MMP24: variants seen among roughly 807,000 people sequenced by gnomAD.
MMP24 encodes matrix metallopeptidase 24.
A neutral mutation model predicts 62.8 loss-of-function variants in MMP24; 25 were observed. The observed-to-expected ratio is 0.40, with a 90% confidence interval of 0.29 to 0.56. The LOEUF is 0.56. Ranked by LOEUF, MMP24 falls within the 20% of genes least tolerant of loss-of-function variation. MMP24 has a pLI of 0.50. For missense variants in MMP24, 634 were observed against 853.6 expected, an observed-to-expected ratio of 0.74 and a Z score of 3.21; for synonymous variants, 319 against 350.5, an observed-to-expected ratio of 0.91 and a Z score of 1.00.
chr20:35,273,352 C>T lies in MMP24; in HGVS notation c.1601-920C>T, dbSNP rs141109642. ...TTGAGGCTGCAGTGAGTTACAACTG[C>T]ACCACTGTACTCCAGCCTAGGCAAT... On this transcript the variant is annotated intron_variant, in intron 8 of 8. Coordinates refer to ENST00000246186, the MANE Select transcript of MMP24 (RefSeq NM_006690.4). Among the ~76,000 whole-genome samples the T allele has an allele frequency of 5.8e-3, 871 of 151,108 alleles. 10 individuals are homozygous for T. The highest frequency in any genetic ancestry group is 0.019 in the African/African-American group (784 of 41,022).
chr20:35,228,543 A>T (rs2060424969), intron 1 of MMP24, among the ~76,000 whole-genome samples: 1 of 152,164 alleles, frequency 6.6e-6, no homozygotes, highest in South Asian at 2.1e-4. Context: ...CTCTGATCTG[A>T]CCTTGGCCCC....
intron 1 of MMP24, among the ~76,000 whole-genome samples, chr20:35,242,953 G>T (rs1374035519): frequency 6.6e-6 from 1 of 152,168 alleles, no homozygotes; most frequent in Non-Finnish European, 1.5e-5. Flanking sequence ...CAAGGCAGGT[G>T]TATCACTTGA....
chr20:35,276,512 T>G lies in MMP24; in HGVS notation c.*1903T>G. The G allele has an allele frequency of 2.6e-6, 1 of 388,790 alleles. No individual in the cohort carries two copies. The highest frequency in any genetic ancestry group is 4.5e-6 in the Non-Finnish European group (1 of 219,798). The allele number at this position is 388,790 out of a possible 1,614,324, so 24.1% of individuals were successfully genotyped here. A position where few individuals can be genotyped will look rare whatever the true frequency, so the allele number is the denominator to read the frequency against. ...CATCCAGTGGGCTGGCTGGGTCTTG[T>G]GTCCCCATCTGTGGACCCCTCTAGG... On this transcript the variant is annotated 3_prime_UTR_variant, in exon 9 of 9. Coordinates refer to ENST00000246186, the MANE Select transcript of MMP24 (RefSeq NM_006690.4).
rs764494386 is a variant in MMP24, at chr20:35,246,841, A to T, written c.248A>T (p.Asn83Ile). The change falls in exon 2 of 9, where the codon AAC becomes ATC. Residue 83 changes from asparagine (N) to isoleucine (I), a missense_variant and splice_region_variant. This residue lies in a region of MMP24 where 212 missense variants were observed against 259.6 expected (regional missense o/e 0.82). Transcript: ENST00000246186. ...CTTTTTCTTTCCCGTGTCTTTCAGA[A>T]CTGGTTAAAGTCCTATGGCTATCTG... is the stretch of plus-strand genomic sequence containing the variant. Reference protein sequence around the residue: ...DEAEAPFAGQNWLKSYGYLLP... With the variant: ...DEAEAPFAGQIWLKSYGYLLP... The T allele has an allele frequency of 6.2e-7, 1 of 1,613,922 alleles. No homozygotes were observed. The highest frequency in any genetic ancestry group is 1.1e-5 in the South Asian group (1 of 91,086).
At chr20:35,229,926 C>T (rs955745562) in intron 1 of MMP24, among the ~76,000 whole-genome samples, 1 of 152,112 alleles carries the variant, frequency 6.6e-6, no homozygotes, top group African/African-American at 2.4e-5. Context: ...CTCTCTTCTC[C>T]AGGAAACATT....
rs2060666931 is a variant in MMP24 at position 35,271,159 on chromosome 20, G to A, written c.1334-410G>A. 6.6e-6 allele frequency among the ~76,000 whole-genome samples: 1 copy of A among 152,196 alleles called. No homozygotes were observed. Among genetic ancestry groups the A allele is most frequent in the Non-Finnish European group, 1.5e-5 (1 of 68,024 alleles). The stretch of plus-strand genomic sequence containing the variant: ...GTGATGAGGAGGGAGCCCCTCTGTG[G>A]TGCAGATGAGGAGCTCTGGGGAGCC... On this transcript the variant is annotated intron_variant, in intron 7 of 8. Transcript: ENST00000246186. This position sits in a 1 kb window ranked among gnomAD's most constrained non-coding sequence, Gnocchi z 4.0.
Position 35,227,213 on chromosome 20 carries a change from G to T in MMP24, c.246+229G>T, listed in dbSNP as rs2060418117. The stretch of plus-strand genomic sequence containing the variant: ...AGCTGCTTCAGCACCGCGGACAGGG[G>T]CAGCGGGCGGGGGCCGAGCACGAGG... On this transcript the variant is annotated intron_variant, in intron 1 of 8. Transcript: ENST00000246186. Among the ~76,000 whole-genome samples, 7 of 151,766 alleles carry T rather than the reference G, an allele frequency of 4.6e-5. No homozygotes were observed. The South Asian group carries it at 1.5e-3, about 31-fold the overall frequency.
At chr20:35,243,040 G>GTT (rs1318499229) in intron 1 of MMP24, among the ~76,000 whole-genome samples, 1 of 151,970 alleles carries the variant, frequency 6.6e-6, no homozygotes, top group East Asian at 1.9e-4. Context: ...TAGCCAGGCA[G>GTT]TAGTGGCATG....
Position 35,271,906 on chromosome 20 carries a change from A to T in MMP24, c.1600+71A>T. On this transcript the variant is annotated intron_variant, in intron 8 of 8. Transcript: ENST00000246186. This position sits in a 1 kb window ranked among gnomAD's most constrained non-coding sequence, Gnocchi z 4.0. The stretch of plus-strand genomic sequence containing the variant: ...GTGGTCCTCACCAGTGCCCACGGGC[A>T]TACTCAGTGCCCATGGGCGTCCAGG... 6.7e-7 allele frequency: 1 copy of T among 1,495,372 alleles called. No individual in the cohort carries two copies. The highest frequency in any genetic ancestry group is 2.3e-5 in the East Asian group (1 of 43,154). The allele number at this position is 1,495,372 out of a possible 1,614,324, so 92.6% of individuals were successfully genotyped here.
rs1302335602 is a variant in MMP24, at chr20:35,269,485, C to T, written c.1195-275C>T. 1.3e-5 allele frequency among the ~76,000 whole-genome samples: 2 copies of T among 152,188 alleles called. No individual in the cohort carries two copies. The highest frequency in any genetic ancestry group is 1.3e-4 in the Admixed American group (2 of 15,278). ...ATGTGGCCACTCCAGGCCCCAACATCATCCTTTCCGGCTCCCTCACACCTC... is the reference window on the plus strand; with the variant it reads ...ATGTGGCCACTCCAGGCCCCAACATTATCCTTTCCGGCTCCCTCACACCTC... On this transcript the variant is annotated intron_variant, in intron 6 of 8. Coordinates refer to ENST00000246186, the MANE Select transcript of MMP24 (RefSeq NM_006690.4). This position sits in a 1 kb window ranked among gnomAD's most constrained non-coding sequence, Gnocchi z 4.6.
At chr20:35,260,065 C>T (rs1035629521) in intron 4 of MMP24, among the ~76,000 whole-genome samples, 8 of 152,194 alleles carry the variant, frequency 5.3e-5, no homozygotes, top group South Asian at 4.1e-4. Flanking sequence ...GACCACTCTG[C>T]TTCCCTGCCG....
Position 35,263,951 on chromosome 20 carries a change from T to C in MMP24, c.978T>C (p.Tyr326=), listed in dbSNP as rs2060617938. The part of the protein sequence containing the change: ...QDDLQGIQKI[Y]GPPAEPLEPT... ...ATCTCCAGGGCATCCAGAAGATCTA[T>C]GGTGTGTGGCAGGGAGAGGGGGGAC... is the stretch of plus-strand genomic sequence containing the variant. Residue 326 remains tyrosine (Y), a splice_region_variant and synonymous_variant, in exon 5 of 9, where the codon TAT becomes TAC. Coordinates refer to ENST00000246186, the MANE Select transcript of MMP24 (RefSeq NM_006690.4). 1.2e-6 allele frequency: 2 copies of C among 1,602,958 alleles called. No homozygotes were observed. The highest frequency in any genetic ancestry group is 1.7e-6 in the Non-Finnish European group (2 of 1,173,806).
Position 35,274,684 on chromosome 20 carries a change from T to TG in MMP24, c.*77dup. The TG allele has an allele frequency of 2.3e-6, 3 of 1,310,586 alleles. No homozygotes were observed. The highest frequency in any genetic ancestry group is 2.1e-6 in the Non-Finnish European group (2 of 959,136). The allele number at this position is 1,310,586 out of a possible 1,614,324, so 81.2% of individuals were successfully genotyped here. On this transcript the variant is annotated 3_prime_UTR_variant, in exon 9 of 9. Coordinates refer to ENST00000246186, the MANE Select transcript of MMP24 (RefSeq NM_006690.4). The surrounding 1 kb of genome is among the most constrained non-coding windows in gnomAD (Gnocchi z 5.1). ...CTCACCAGGGTCTGAGGGGCAGCTC[T>TG]GGCCAGTGCTCACCAGGGCCAGCAG...
intron 4 of MMP24, chr20:35,256,185 T>C (rs984167166): frequency 2.0e-5 from 3 of 152,240 alleles, no homozygotes. Flanking sequence ...TATTAAGCAA[T>C]ATATAATGTT....
rs1030992989 is a variant in MMP24 at position 35,264,056 on chromosome 20, A to C, written c.979+104A>C. 1.6e-5 allele frequency: 20 copies of C among 1,245,796 alleles called. No individual in the cohort carries two copies. The Admixed American group carries it at 5.7e-4, about 35-fold the overall frequency. The allele number at this position is 1,245,796 out of a possible 1,614,324, so 77.2% of individuals were successfully genotyped here. Reference sequence around the variant, plus strand: ...GAGGGAGGGGGACGTTGCTATCATCAGCACTGCTGCTGTTTCTCTGTGTGT... The same window carrying C: ...GAGGGAGGGGGACGTTGCTATCATCCGCACTGCTGCTGTTTCTCTGTGTGT... On this transcript the variant is annotated intron_variant, in intron 5 of 8. Transcript: ENST00000246186.
At chr20:35,253,051 AGGTGGGGCTGGGGC>A (rs2060555599) in intron 3 of MMP24, among the ~76,000 whole-genome samples, 3 of 48,074 alleles carry the variant, frequency 6.2e-5, no homozygotes, top group South Asian at 1.1e-3. Context: ...GGGCAGGCTC[AGGTGGGGCTGGGGC>A]AAGGGCCAGG....
chr20:35,240,484 G>A (rs979409637), intron 1 of MMP24, among the ~76,000 whole-genome samples: 5 of 152,184 alleles, frequency 3.3e-5, no homozygotes, highest in Admixed American at 6.5e-5. Flanking sequence ...GACTTCTGAC[G>A]TGGCTGATGA....
intron 1 of MMP24, among the ~76,000 whole-genome samples, chr20:35,246,565 G>A (rs987383322): frequency 6.6e-6 from 1 of 152,090 alleles, no homozygotes; most frequent in African/African-American, 2.4e-5. Context: ...AAAGAGGCAG[G>A]GCAATGGAAA....
At chr20:35,230,905 T>A (rs1205426387) in intron 1 of MMP24, among the ~76,000 whole-genome samples, 1 of 152,178 alleles carries the variant, frequency 6.6e-6, no homozygotes, top group Non-Finnish European at 1.5e-5. Flanking sequence ...GCCAAAAAAT[T>A]TTTTTATTCA....
Sources: gnomAD v4.1 joint callset for allele counts (sites outside exome capture counted in the v4.1 genomes callset) on GRCh38, gnomAD v4.1.1 for gene constraint, gnomAD v4.1.1 regional missense constraint, Gnocchi (gnomAD v3.1) non-coding constraint, MANE v1.5 for transcripts, NCBI Gene and HGNC (gene_info 2026-07-23, HGNC 2026-07-21) for gene names.